CASP6: variants seen among roughly 807,000 people sequenced by gnomAD.
The protein encoded by CASP6 is caspase-6.
Under a neutral mutation model 31.8 loss-of-function variants are expected in CASP6, and 20 were observed. That is an observed-to-expected ratio of 0.63 (90% CI 0.44 to 0.91). The LOEUF is 0.91. Ranked by LOEUF, CASP6 falls within the 40% of genes least tolerant of loss-of-function variation. CASP6 has a pLI of 0.00. For missense variants in CASP6, 328 were observed against 361.1 expected (o/e 0.91, Z 0.74); for synonymous variants, 130 against 127.8 (o/e 1.02, Z -0.12).
the CASP6 span, among the ~76,000 whole-genome samples, chr4:109,681,751 A>T: frequency 2.0e-5 from 3 of 152,200 alleles, no homozygotes; most frequent in Non-Finnish European, 4.4e-5. Flanking sequence ...CACAGTGGAC[A>T]CCCTGCTGGA....
upstream of CASP6, chr4:109,703,730 G>T: frequency 2.2e-6 from 1 of 464,786 alleles, no homozygotes; most frequent in East Asian, 3.7e-5. Context: ...CGCCTAGCCC[G>T]AGGCAATTTC....
At chr4:109,684,521 C>T (rs146160577), downstream of CASP6, 5 of 1,613,748 alleles carry the variant, frequency 3.1e-6, no homozygotes, top group Non-Finnish European at 4.2e-6. Flanking sequence ...GCTGTCCATT[C>T]AGGGTGGGGC....
chr4:109,705,877 C>T (rs1235916050), upstream of CASP6, among the ~76,000 whole-genome samples: 1 of 138,556 alleles, frequency 7.2e-6, no homozygotes, highest in Non-Finnish European at 1.5e-5. Context: ...CAACTCAGGA[C>T]ACTAAGATGG....
chr4:109,666,456 C>T, the CASP6 span, among the ~76,000 whole-genome samples: 1 of 152,166 alleles, frequency 6.6e-6, no homozygotes, highest in South Asian at 2.1e-4. Flanking sequence ...TCCTTGCCAG[C>T]AATTGGTGGT....
chr4:109,684,002 T>C (rs1729774312), downstream of CASP6, among the ~76,000 whole-genome samples: 1 of 152,178 alleles, frequency 6.6e-6, no homozygotes, highest in Admixed American at 6.5e-5. Context: ...ATAAATTGTT[T>C]TTCCATATGT....
At chr4:109,682,565 C>T in the CASP6 span, 2 of 1,591,972 alleles carry the variant, frequency 1.3e-6, no homozygotes, top group Middle Eastern at 1.7e-4. Flanking sequence ...GCTTGTTTCC[C>T]TTGTGTCTTT....
At position 109,689,336 on chromosome 4, in the gene CASP6, A is replaced by C; in HGVS notation, c.876T>G (p.Ser292=). Residue 292 remains serine (S), a synonymous_variant, in exon 7 of 7, where the codon TCT becomes TCG. Coordinates refer to ENST00000265164, the MANE Select transcript of CASP6 (RefSeq NM_001226.4). ...LTKKLHFFPK[S]N Reference sequence around the variant, plus strand: ...ATTAGATAGCCTCTATTAATTAATTAGATTTTGGAAAGAAATGCAGCTTTT... The same window carrying C: ...ATTAGATAGCCTCTATTAATTAATTCGATTTTGGAAAGAAATGCAGCTTTT... 2.5e-6 allele frequency: 4 copies of C among 1,613,434 alleles called. No homozygotes were observed. The highest frequency in any genetic ancestry group is 3.4e-6 in the Non-Finnish European group (4 of 1,179,600).
At chr4:109,700,758 C>G (rs1730398018) in intron 1 of CASP6, among the ~76,000 whole-genome samples, 1 of 152,174 alleles carries the variant, frequency 6.6e-6, no homozygotes, top group Admixed American at 6.5e-5. Context: ...AGTGGCCACT[C>G]TAGCAAACAC....
At chr4:109,680,027 C>T in the CASP6 span, among the ~76,000 whole-genome samples, 3 of 152,152 alleles carry the variant, frequency 2.0e-5, no homozygotes, top group Non-Finnish European at 2.9e-5. Flanking sequence ...ATCTCAAACT[C>T]CTGAACCCAG....
At chr4:109,706,168 T>TATATATACATAC (rs1438834395), upstream of CASP6, among the ~76,000 whole-genome samples, 27 of 92,472 alleles carry the variant, frequency 2.9e-4, 1 homozygote, top group African/African-American at 1.6e-3. Context: ...TATATATATA[T>TATATATACATAC]ATACACACAC....
chr4:109,689,630 C>T, intron 6 of CASP6, 62 bp from the exon 7 acceptor site: 2 of 1,405,032 alleles, frequency 1.4e-6, no homozygotes, highest in Non-Finnish European at 2.0e-6. Flanking sequence ...TGTGTGTATT[C>T]TTTTTAGTTA....
chr4:109,682,641 C>T, the CASP6 span: 1 of 1,612,890 alleles, frequency 6.2e-7, no homozygotes, highest in Non-Finnish European at 8.5e-7. Flanking sequence ...GGTTCACAGA[C>T]TATTTACAAT....
At chr4:109,685,177 C>T, downstream of CASP6, 1 of 690,280 alleles carries the variant, frequency 1.4e-6, no homozygotes, top group Middle Eastern at 4.1e-4. Context: ...GTTGCTGAGT[C>T]AAGTATCTTT....
chr4:109,687,552 G>C, downstream of CASP6: 1 of 1,612,638 alleles, frequency 6.2e-7, no homozygotes, highest in Non-Finnish European at 8.5e-7. Context: ...CATTCTCTCT[G>C]TTTGCAAATG....
At chr4:109,682,324 C>CTTT in the CASP6 span, among the ~76,000 whole-genome samples, 1 of 147,260 alleles carries the variant, frequency 6.8e-6, no homozygotes, top group Non-Finnish European at 1.5e-5. Context: ...TTTTTGGTGA[C>CTTT]TTTTTTTTTT....
At chr4:109,703,329 G>T in intron 1 of CASP6, 27 bp downstream of exon 1, 9 of 1,600,712 alleles carry the variant, frequency 5.6e-6, no homozygotes, top group Non-Finnish European at 7.7e-6. Context: ...AGACCTGCTC[G>T]GTGCCCAGTC....
the CASP6 span, among the ~76,000 whole-genome samples, chr4:109,676,226 G>A: frequency 5.9e-5 from 9 of 152,298 alleles, no homozygotes; most frequent in South Asian, 1.5e-3. Context: ...AAGTGGTCAT[G>A]ATCAGAATGT....
chr4:109,695,890 AAAG>A (rs1219610933), intron 4 of CASP6, among the ~76,000 whole-genome samples: 1 of 152,218 alleles, frequency 6.6e-6, no homozygotes, highest in Non-Finnish European at 1.5e-5. Flanking sequence ...TGTGCAGTTT[AAAG>A]AAGAGCTCTG....
intron 1 of CASP6, among the ~76,000 whole-genome samples, chr4:109,700,770 G>A (rs548899796): frequency 3.3e-5 from 5 of 152,106 alleles, no homozygotes; most frequent in Non-Finnish European, 7.3e-5. Flanking sequence ...AGCAAACACT[G>A]AATCAGAACA....
Sources: allele counts gnomAD v4.1 joint callset (sites outside exome capture counted in the v4.1 genomes callset), GRCh38; gene constraint gnomAD v4.1.1; transcripts MANE v1.5; gene names NCBI Gene and HGNC (gene_info 2026-07-23, HGNC 2026-07-21).